The following CSMD1 variants were observed in gnomAD, a reference collection of about 807,000 sequenced individuals.
The protein encoded by CSMD1 is CUB and sushi domain-containing protein 1.
A neutral mutation model predicts 417.5 loss-of-function variants in CSMD1; 213 were observed. That is an observed-to-expected ratio of 0.51 (90% confidence interval 0.46 to 0.57). The LOEUF (loss-of-function observed/expected upper bound fraction) is 0.57. Ranked by LOEUF, CSMD1 falls within the 20% of genes least tolerant of loss-of-function variation. The pLI is 0.00. For synonymous variants in CSMD1, 2,862 were observed against 1,736.8 expected, an observed-to-expected ratio of 1.65 and a Z score of -16.11; for missense variants, 6,923 against 4,529.7, an observed-to-expected ratio of 1.53 and a Z score of -15.17.
intron 45 of CSMD1, 99 bp downstream of exon 45, chr8:3,107,619 A>T (rs1816235457): frequency 1.4e-6 from 1 of 690,992 alleles, no homozygotes; most frequent in East Asian, 2.9e-5. Flanking sequence ...TTTCTCTGAC[A>T]AATTACTCAT....
intron 3 of CSMD1, among the ~76,000 whole-genome samples, chr8:4,094,415 G>T (rs1018796210): frequency 2.0e-5 from 3 of 152,236 alleles, no homozygotes; most frequent in African/African-American, 7.2e-5. Flanking sequence ...GCAAGGCAGG[G>T]CGGTCAGGTG....
chr8:3,407,644 G>C (rs10087009), intron 14 of CSMD1, among the ~76,000 whole-genome samples: 11,710 of 152,152 alleles, frequency 0.077, 496 homozygotes, highest in Middle Eastern at 0.11. Flanking sequence ...GAGAGAAAGA[G>C]ATGTAAGGAG....
chr8:3,219,309 C>G lies in CSMD1; in HGVS notation c.4618G>C (p.Ala1540Pro). ...CCCACGGAGGCATCACTCCGAAATGCCAGAAACAGGCTGTTTCCGCTACTC... is the reference window on the plus strand; with the variant it reads ...CCCACGGAGGCATCACTCCGAAATGGCAGAAACAGGCTGTTTCCGCTACTC... ...IESSGNSLFLAFRSDASVGLS... is the reference protein window; with the variant it reads ...IESSGNSLFLPFRSDASVGLS... Residue 1540 changes from alanine to proline, a missense_variant, in exon 29 of 70, where the codon GCA (alanine) becomes CCA (proline). Coordinates refer to ENST00000635120, the MANE Select transcript of CSMD1 (RefSeq NM_033225.6). The G allele has an allele frequency of 1.3e-6, 2 of 1,591,654 alleles. No individual in the cohort carries two copies. The highest frequency in any genetic ancestry group is 8.6e-7 in the Non-Finnish European group (1 of 1,168,198).
At chr8:4,350,008 G>A (rs1003850600) in intron 3 of CSMD1, among the ~76,000 whole-genome samples, 14 of 151,950 alleles carry the variant, frequency 9.2e-5, no homozygotes, top group Non-Finnish European at 1.5e-5. Context: ...CCTGAGCCCT[G>A]GAATCTTGTC....
At chr8:3,861,157 C>T (rs570790208) in intron 5 of CSMD1, among the ~76,000 whole-genome samples, 35 of 152,214 alleles carry the variant, frequency 2.3e-4, no homozygotes, top group African/African-American at 8.2e-4. Context: ...ACACACTGTC[C>T]TTGGTTCCTT....
intron 7 of CSMD1, among the ~76,000 whole-genome samples, chr8:3,705,904 G>C (rs1164393792): frequency 5.9e-5 from 9 of 152,342 alleles, no homozygotes; most frequent in South Asian, 4.1e-4. Context: ...GCAGACAGAA[G>C]ATGAAATCCT....
chr8:4,063,770 A>G (rs1799101848), intron 3 of CSMD1, among the ~76,000 whole-genome samples: 1 of 152,184 alleles, frequency 6.6e-6, no homozygotes, highest in Non-Finnish European at 1.5e-5. Flanking sequence ...TTTCATATCT[A>G]CTTCTTCATT....
chr8:4,187,915 T>A (rs1214398642), intron 3 of CSMD1, among the ~76,000 whole-genome samples: 1 of 152,096 alleles, frequency 6.6e-6, no homozygotes, highest in African/African-American at 2.4e-5. Flanking sequence ...GCATTTGTTG[T>A]TAATAAAATA....
intron 23 of CSMD1, among the ~76,000 whole-genome samples, chr8:3,322,228 G>A (rs1043549690): frequency 2.6e-5 from 4 of 152,138 alleles, no homozygotes; most frequent in African/African-American, 7.2e-5. Flanking sequence ...CAGATTTCCA[G>A]CAGGAGCGGA....
chr8:4,738,488 G>A (rs567772778), intron 1 of CSMD1, among the ~76,000 whole-genome samples: 2 of 152,238 alleles, frequency 1.3e-5, no homozygotes, highest in South Asian at 2.1e-4. Context: ...CAGGAGAACA[G>A]GATGGGGAAA....
In CSMD1 at chr8:3,085,818, A is replaced by G. The variant is rs146274372; in HGVS notation, c.7474+1279T>C. Among the ~76,000 whole-genome samples, 556 of 152,282 alleles carry G rather than the reference A, an allele frequency of 3.7e-3. 4 individuals are homozygous for G. Among genetic ancestry groups the G allele is most frequent in the African/African-American group, 0.012 (492 of 41,558 alleles). On this transcript the variant is annotated intron_variant, in intron 49 of 69. Coordinates refer to ENST00000635120, the MANE Select transcript of CSMD1 (RefSeq NM_033225.6). ...AACTCCTTGCATATCCATCAGAAAG[A>G]TGGACTAGCATGTGCCTGGCATCAC... is the stretch of plus-strand genomic sequence containing the variant.
At chr8:4,126,401 A>G (rs1241637082) in intron 3 of CSMD1, among the ~76,000 whole-genome samples, 1 of 152,174 alleles carries the variant, frequency 6.6e-6, no homozygotes, top group Admixed American at 6.5e-5. Context: ...ATGGTGCCAA[A>G]CACCCATCAC....
chr8:3,746,337 G>T (rs1041859157), intron 6 of CSMD1, among the ~76,000 whole-genome samples: 1 of 152,192 alleles, frequency 6.6e-6, no homozygotes, highest in South Asian at 2.1e-4. Context: ...ACCAGTCACT[G>T]CCAAGTATTA....
Position 4,175,591 on chromosome 8 carries a change from A to T in CSMD1, c.416-143492T>A, listed in dbSNP as rs7841760. ...TTTTGAAAGGTATATTAGGAGAGTA[A>T]ATATACAATGATCACGCAATTATCA... On this transcript the variant is annotated intron_variant, in intron 3 of 69. Coordinates refer to ENST00000635120, the MANE Select transcript of CSMD1 (RefSeq NM_033225.6). Among the ~76,000 whole-genome samples, 93 of 152,274 alleles carry T rather than the reference A, an allele frequency of 6.1e-4. 1 individual carries two copies. Among genetic ancestry groups the T allele is most frequent in the African/African-American group, 2.1e-3 (86 of 41,524 alleles).
At chr8:4,421,260 A>C (rs934476446) in intron 2 of CSMD1, among the ~76,000 whole-genome samples, 1 of 152,204 alleles carries the variant, frequency 6.6e-6, no homozygotes, top group Non-Finnish European at 1.5e-5. Flanking sequence ...AAAAAACAAA[A>C]AACAGTGAGT....
intron 7 of CSMD1, among the ~76,000 whole-genome samples, chr8:3,653,044 T>A (rs1797937490): frequency 6.6e-6 from 1 of 152,180 alleles, no homozygotes; most frequent in Non-Finnish European, 1.5e-5. Flanking sequence ...CACAAATGTT[T>A]TCTATCAGAA....
At chr8:4,232,052 G>A (rs998956149) in intron 3 of CSMD1, among the ~76,000 whole-genome samples, 3 of 152,144 alleles carry the variant, frequency 2.0e-5, no homozygotes, top group South Asian at 2.1e-4. Context: ...ATACTATGAG[G>A]TGTTAGAAGA....
chr8:4,509,809 A>G (rs1454313147), intron 2 of CSMD1, among the ~76,000 whole-genome samples: 1 of 152,188 alleles, frequency 6.6e-6, no homozygotes, highest in Non-Finnish European at 1.5e-5. Flanking sequence ...ACAGATATGG[A>G]AACTGAAGCA....
At position 3,439,294 on chromosome 8, in the gene CSMD1, T is replaced by TAC. The variant is rs1257498020; in HGVS notation, c.1561+29417_1561+29418insGT. Among the ~76,000 whole-genome samples, 192 of 48,138 alleles carry TAC rather than the reference T, an allele frequency of 4.0e-3. 3 individuals carry two copies. The highest frequency in any genetic ancestry group is 5.1e-3 in the Non-Finnish European group (148 of 28,940). The allele number at this position is 48,138 out of a possible 152,430, so 31.6% of individuals were successfully genotyped here. A position where few individuals can be genotyped will look rare whatever the true frequency, so the allele number is the denominator to read the frequency against. ...TTGGCAATGTCAGTATATATATATATATATATATATATATATTTTTTTTTT... is the reference window on the plus strand; with the variant it reads ...TTGGCAATGTCAGTATATATATATATACATATATATATATATATTTTTTTTTT... On this transcript the variant is annotated intron_variant, in intron 12 of 69. Coordinates refer to ENST00000635120, the MANE Select transcript of CSMD1 (RefSeq NM_033225.6).
Sources: allele counts gnomAD v4.1 joint callset (sites outside exome capture counted in the v4.1 genomes callset), GRCh38; gene constraint gnomAD v4.1.1; transcripts MANE v1.5; gene names NCBI Gene and HGNC (gene_info 2026-07-23, HGNC 2026-07-21).